SETX: variants seen among roughly 807,000 people sequenced by gnomAD.
The protein encoded by SETX is senataxin.
In SETX, 90 loss-of-function variants were observed where a neutral mutation model predicts 227.2. The ratio of observed to expected loss-of-function variants is 0.40; its 90% CI spans 0.33 to 0.47. SETX has a LOEUF of 0.47. Ranked by LOEUF, SETX falls within the 20% of genes least tolerant of loss-of-function variation. The pLI is 0.91. For missense variants in SETX, 3,052 were observed against 3,181.5 expected, an observed-to-expected ratio of 0.96 and a Z score of 0.98; for synonymous variants, 1,210 against 1,113.2, an observed-to-expected ratio of 1.09 and a Z score of -1.73.
chr9:132,263,562 TATA>T lies in SETX; in HGVS notation c.*674_*676del, dbSNP rs1202463805. ...CAGGTAAATGAACTCATCACAGAAA[TATA>T]ATACCCTGGGCCAATGCACTCTATC... On this transcript the variant is annotated 3_prime_UTR_variant, in exon 26 of 26. Transcript: ENST00000224140. 6.6e-6 allele frequency: 1 copy of T among 152,228 alleles called. No individual in the cohort carries two copies. The highest frequency in any genetic ancestry group is 2.4e-5 in the African/African-American group (1 of 41,414). The allele number at this position is 152,228 out of a possible 1,614,324, so 9.4% of individuals were successfully genotyped here.
intron 15 of SETX, among the ~76,000 whole-genome samples, chr9:132,292,270 A>G (rs936063886): frequency 6.6e-6 from 1 of 151,914 alleles, no homozygotes; most frequent in Admixed American, 6.6e-5. Flanking sequence ...CTCTACAACA[A>G]AAATTTAAAA....
chr9:132,330,308 T>C lies in SETX; in HGVS notation c.1290A>G (p.Ala430=). 1 of 1,610,082 alleles carries C rather than the reference T, an allele frequency of 6.2e-7. No individual in the cohort carries two copies. The highest frequency in any genetic ancestry group is 8.5e-7 in the Non-Finnish European group (1 of 1,177,020). ...CAGAGTACAGATGATTAACAACCTG[T>C]GCTATGTAAGCCACACCCAAATCCT... ...DLKDLGVAYI[A]QVVNHLYSEV... The change falls in exon 10 of 26, where the codon GCA becomes GCG. Residue 430 remains alanine, a synonymous_variant. Coordinates refer to ENST00000224140, the MANE Select transcript of SETX (RefSeq NM_015046.7).
At chr9:132,307,368 TTA>T (rs767398518) in intron 11 of SETX, among the ~76,000 whole-genome samples, 5 of 152,180 alleles carry the variant, frequency 3.3e-5, no homozygotes, top group Non-Finnish European at 7.3e-5. Context: ...ATATGCATGG[TTA>T]TCTTTTACTT....
chr9:132,292,543 CTAA>C (rs1844400347), intron 15 of SETX, among the ~76,000 whole-genome samples: 1 of 150,294 alleles, frequency 6.7e-6, no homozygotes, highest in Non-Finnish European at 1.5e-5. Flanking sequence ...AAATACAATA[CTAA>C]TAACAAATTA....
At chr9:132,311,905 A>C (rs754905228) in intron 10 of SETX, 49 bp from the exon 11 acceptor site, 3 of 1,344,750 alleles carry the variant, frequency 2.2e-6, no homozygotes, top group Non-Finnish European at 3.2e-6. Flanking sequence ...CTGGAAAGTG[A>C]TGCTAAATAG....
At chr9:132,278,400 A>T in intron 20 of SETX, 143 bp from the exon 21 acceptor site, 1 of 717,798 alleles carries the variant, frequency 1.4e-6, no homozygotes, top group East Asian at 2.8e-5. Context: ...CAGAGAAAAA[A>T]GGTGTTTCTG....
intron 15 of SETX, among the ~76,000 whole-genome samples, chr9:132,292,025 C>T (rs922608048): frequency 6.6e-6 from 1 of 152,180 alleles, no homozygotes; most frequent in African/African-American, 2.4e-5. Flanking sequence ...CTATTAATTA[C>T]TGATTTAGAT....
rs530469492 is a variant in SETX at position 132,261,629 on chromosome 9, A to T, written c.*2610T>A. On this transcript the variant is annotated 3_prime_UTR_variant, in exon 26 of 26. Coordinates refer to ENST00000224140, the MANE Select transcript of SETX (RefSeq NM_015046.7). ...GTCAAAGCTATAGCAAAAAATTGCT[A>T]ATCTGCACAACTTTAAAAAATAGTT... 1 of 152,882 alleles carries T rather than the reference A, an allele frequency of 6.5e-6. No individual in the cohort carries two copies. The highest frequency in any genetic ancestry group is 1.9e-4 in the East Asian group (1 of 5,204). The allele number at this position is 152,882 out of a possible 1,614,324, so 9.5% of individuals were successfully genotyped here.
At chr9:132,311,671 C>T (rs1307582281) in intron 11 of SETX, 86 bp downstream of exon 11, 13 of 993,684 alleles carry the variant, frequency 1.3e-5, no homozygotes, top group Non-Finnish European at 1.8e-5. Context: ...TTGTGTCCCC[C>T]TAAATTCAAA....
chr9:132,347,845 C>G (rs1848378202), intron 3 of SETX, among the ~76,000 whole-genome samples: 1 of 152,062 alleles, frequency 6.6e-6, no homozygotes, highest in African/African-American at 2.4e-5. Flanking sequence ...TTTCTCAACA[C>G]AAGTCCATTA....
At chr9:132,356,484 G>C (rs1343026514), upstream of SETX, among the ~76,000 whole-genome samples, 1 of 152,186 alleles carries the variant, frequency 6.6e-6, no homozygotes, top group Non-Finnish European at 1.5e-5. Flanking sequence ...TTACAAGCGT[G>C]ATCCACCGCA....
intron 10 of SETX, among the ~76,000 whole-genome samples, chr9:132,313,198 C>G (rs1845769451): frequency 6.6e-6 from 1 of 152,070 alleles, no homozygotes; most frequent in Non-Finnish European, 1.5e-5. Context: ...AAAAACCATT[C>G]AATTATACAC....
At position 132,346,477 on chromosome 9, in the gene SETX, G is replaced by C; in HGVS notation, c.178-6C>G. 6.3e-7 allele frequency: 1 copy of C among 1,598,230 alleles called. No homozygotes were observed. The highest frequency in any genetic ancestry group is 8.6e-7 in the Non-Finnish European group (1 of 1,168,596). On this transcript the variant is annotated splice_polypyrimidine_tract_variant and splice_region_variant and intron_variant, in intron 3 of 25. Coordinates refer to ENST00000224140, the MANE Select transcript of SETX (RefSeq NM_015046.7). ...GTTTCTAATTCCCATAAAACCTAGA[G>C]GAAAATAAAATGGGCAGTGTGCGTT... is the stretch of plus-strand genomic sequence containing the variant.
At chr9:132,326,121 G>A (rs987640276) in intron 10 of SETX, among the ~76,000 whole-genome samples, 1 of 151,726 alleles carries the variant, frequency 6.6e-6, no homozygotes, top group Non-Finnish European at 1.5e-5. Context: ...AGGTTGGAGT[G>A]CAGTGGCGCG....
At position 132,297,011 on chromosome 9, in the gene SETX, A is replaced by G. The variant is rs773379832; in HGVS notation, c.5825T>C (p.Ile1942Thr). The G allele has an allele frequency of 1.4e-5, 22 of 1,613,824 alleles. No individual in the cohort carries two copies. The highest frequency in any genetic ancestry group is 1.7e-5 in the Admixed American group (1 of 60,002). ...TTTCACCATAGCATATGCAGTTTCT[A>G]TTGCTTTCTTTTGATCTTCATTGAA... ...RDFNEDQKKAIETAYAMVKHS... is the reference protein window; with the variant it reads ...RDFNEDQKKATETAYAMVKHS... Residue 1942 changes from isoleucine to threonine, a missense_variant, in exon 14 of 26, where the codon ATA (isoleucine) becomes ACA (threonine). Physicochemically the swap from Ile to Thr is moderately conservative, Grantham distance 89. Around this residue, in one of 10 missense-constraint regions of SETX, gnomAD observed 239 missense variants for 272.1 expected, o/e 0.88. Coordinates refer to ENST00000224140, the MANE Select transcript of SETX (RefSeq NM_015046.7).
chr9:132,309,719 C>A (rs1845540115), intron 11 of SETX, among the ~76,000 whole-genome samples: 1 of 151,744 alleles, frequency 6.6e-6, no homozygotes. Flanking sequence ...AAAAAATGTA[C>A]CCTAGGGCAA....
In SETX at chr9:132,327,447, G is replaced by C; in HGVS notation, c.4151C>G (p.Ser1384Cys). The C allele has an allele frequency of 6.2e-7, 1 of 1,614,148 alleles. No individual in the cohort carries two copies. Among genetic ancestry groups the C allele is most frequent in the Non-Finnish European group, 8.5e-7 (1 of 1,180,028 alleles). ...KRAGSHTAQN[S>C]DIFVPESDRS... ...ATCAGATTCTGGTACAAATATGTCAGAATTCTGTGCTGTATGTGACCCTGC... is the reference window on the plus strand; with the variant it reads ...ATCAGATTCTGGTACAAATATGTCACAATTCTGTGCTGTATGTGACCCTGC... The change falls in exon 10 of 26, where the codon TCT becomes TGT. Residue 1384 changes from serine (S) to cysteine (C), a missense_variant. Transcript: ENST00000224140.
intron 11 of SETX, 79 bp downstream of exon 11, chr9:132,311,678 C>A: frequency 9.4e-7 from 1 of 1,068,836 alleles, no homozygotes; most frequent in Non-Finnish European, 1.4e-6. Context: ...CCCCTAAATT[C>A]AAATAATGCT....
chr9:132,299,567 T>C (rs904940192), intron 12 of SETX, among the ~76,000 whole-genome samples: 8 of 152,306 alleles, frequency 5.3e-5, no homozygotes, highest in Admixed American at 1.3e-4. Context: ...TATATTAATA[T>C]ATCATGCAAA....
Sources: allele counts gnomAD v4.1 joint callset (sites outside exome capture counted in the v4.1 genomes callset), GRCh38; gene constraint gnomAD v4.1.1; regional missense constraint gnomAD v4.1.1; transcripts MANE v1.5; gene names NCBI Gene and HGNC (gene_info 2026-07-23, HGNC 2026-07-21).